The following CDCA7 variants were observed in gnomAD, a reference collection of about 807,000 sequenced individuals.
The protein encoded by CDCA7 is cell division cycle associated 7.
A neutral mutation model predicts 54.0 loss-of-function variants in CDCA7; 28 were observed. The observed-to-expected ratio is 0.52, with a 90% confidence interval of 0.38 to 0.71. The LOEUF (loss-of-function observed/expected upper bound fraction) is 0.71. CDCA7 is among the 30% of genes least tolerant of loss of function. The pLI is 0.00. For missense variants in CDCA7, 484 were observed against 586.0 expected (o/e 0.83, Z 1.80); for synonymous variants, 180 against 208.2 (o/e 0.86, Z 1.16).
chr2:173,366,447 G>A lies in CDCA7; in HGVS notation c.1185+15G>A, dbSNP rs1314971927. Reference sequence around the variant, plus strand: ...TGCTGGATCCGGTAGGTGCCTGCCAGGGGTTGGTCCTGTGGGCTTGAAGGT... The same window carrying A: ...TGCTGGATCCGGTAGGTGCCTGCCAAGGGTTGGTCCTGTGGGCTTGAAGGT... On this transcript the variant is annotated intron_variant, in intron 8 of 9. Coordinates refer to ENST00000306721, the MANE Select transcript of CDCA7 (RefSeq NM_031942.5). The surrounding 1 kb of genome is among the most constrained non-coding windows in gnomAD (Gnocchi z 4.5). The A allele has an allele frequency of 6.2e-7, 1 of 1,613,508 alleles. No homozygotes were observed. The highest frequency in any genetic ancestry group is 8.5e-7 in the Non-Finnish European group (1 of 1,179,612).
intron 3 of CDCA7, 115 bp from the exon 4 acceptor site, chr2:173,363,111 C>T: frequency 1.0e-6 from 1 of 977,068 alleles, no homozygotes; most frequent in Non-Finnish European, 1.6e-6. Context: ...CCAGAGGTAT[C>T]AATGTTCAGT....
chr2:173,363,416 A>C lies in CDCA7; in HGVS notation c.575A>C (p.Asn192Thr). Residue 192 changes from asparagine to threonine, a missense_variant, in exon 4 of 10, where the codon AAT (asparagine) becomes ACT (threonine). Physicochemically the swap from Asn to Thr is moderately conservative, Grantham distance 65 (BLOSUM62 0). Transcript: ENST00000306721. ...GATTCAGAAGATGAAAGTGGAATGAATTTTTTGGAGAAAAGGGCTTTAAAT... is the reference window on the plus strand; with the variant it reads ...GATTCAGAAGATGAAAGTGGAATGACTTTTTTGGAGAAAAGGGCTTTAAAT... ...NSDSEDESGM[N>T]FLEKRALNIK... 6.2e-7 allele frequency: 1 copy of C among 1,614,150 alleles called. No individual in the cohort carries two copies. The highest frequency in any genetic ancestry group is 8.5e-7 in the Non-Finnish European group (1 of 1,180,008).
At position 173,363,769 on chromosome 2, in the gene CDCA7, GAC is replaced by G. The variant is rs767893269; in HGVS notation, c.622-47_622-46del. On this transcript the variant is annotated intron_variant, in intron 4 of 9. Coordinates refer to ENST00000306721, the MANE Select transcript of CDCA7 (RefSeq NM_031942.5). Reference sequence around the variant, plus strand: ...TTCCAGAAGTTAGTTGCTCATTTTCGACAGTTATTCTAAGCCAATGATATCAG... The same window carrying G: ...TTCCAGAAGTTAGTTGCTCATTTTCGAGTTATTCTAAGCCAATGATATCAG... 4 of 1,566,196 alleles carry G rather than the reference GAC, an allele frequency of 2.6e-6. No homozygotes were observed. In the South Asian group the frequency reaches 4.5e-5, roughly 18 times the overall value.
rs1686719440 is a variant in CDCA7 at position 173,366,316 on chromosome 2, A to G, written c.1069A>G (p.Ile357Val). 1 of 1,613,780 alleles carries G rather than the reference A, an allele frequency of 6.2e-7. No individual in the cohort carries two copies. The highest frequency in any genetic ancestry group is 1.7e-4 in the Middle Eastern group (1 of 6,060). Residue 357 changes from isoleucine to valine, a missense_variant, in exon 8 of 10, where the codon ATT becomes GTT. Ile to Val is a conservative substitution (Grantham distance 29, BLOSUM62 3). Transcript: ENST00000306721. This position sits in a 1 kb window ranked among gnomAD's most constrained non-coding sequence, Gnocchi z 4.5. ...TTGTCATCAATGCCGTCAGAAGACTATTGATACCAAAACAAACTGCAGAAA... is the reference window on the plus strand; with the variant it reads ...TTGTCATCAATGCCGTCAGAAGACTGTTGATACCAAAACAAACTGCAGAAA... ...STCHQCRQKT[I>V]DTKTNCRNPD...
intron 3 of CDCA7, among the ~76,000 whole-genome samples, chr2:173,362,169 T>C (rs1686634184): frequency 6.6e-6 from 1 of 152,242 alleles, no homozygotes; most frequent in Non-Finnish European, 1.5e-5. Context: ...GATAAATTTT[T>C]AATGATGAAA....
chr2:173,360,560 C>T (rs112602325), intron 3 of CDCA7, among the ~76,000 whole-genome samples: 56 of 152,118 alleles, frequency 3.7e-4, no homozygotes, highest in African/African-American at 1.2e-3. Context: ...CTCACTGCAG[C>T]CTCCACCTCC....
At position 173,365,005 on chromosome 2, in the gene CDCA7, T is replaced by C. The variant is rs780146971; in HGVS notation, c.894+16T>C. ...CTACATGAATGTGAGTTCTCCGCAT[T>C]GGTACTTGCTCTTCTGATTCTCATC... is the stretch of plus-strand genomic sequence containing the variant. On this transcript the variant is annotated intron_variant, in intron 6 of 9. Coordinates refer to ENST00000306721, the MANE Select transcript of CDCA7 (RefSeq NM_031942.5). 42 of 1,551,430 alleles carry C rather than the reference T, an allele frequency of 2.7e-5. No homozygotes were observed. The South Asian group carries it at 4.1e-4, about 15-fold the overall frequency.
rs1686735813 is a variant in CDCA7, at chr2:173,367,007, G to A, written c.1186-143G>A. 1.1e-5 allele frequency: 13 copies of A among 1,185,752 alleles called. No individual in the cohort carries two copies. The South Asian group carries it at 2.1e-4, about 19-fold the overall frequency. 73.5% of individuals were successfully genotyped at this position (1,185,752 alleles called of 1,614,324 possible). On this transcript the variant is annotated intron_variant, in intron 8 of 9. Transcript: ENST00000306721. ...CTTCCACTCCTGGAAGGAAGCATTA[G>A]GCATTAGGAAACATTAGGCATGACT...
intron 3 of CDCA7, among the ~76,000 whole-genome samples, chr2:173,360,038 G>C (rs1246908896): frequency 6.6e-6 from 1 of 152,168 alleles, no homozygotes; most frequent in East Asian, 1.9e-4. Context: ...CTGTTGTGCT[G>C]TGCCTCGGTC....
In CDCA7 at chr2:173,367,867, T is replaced by A; in HGVS notation, c.*203T>A. 1.6e-6 allele frequency: 1 copy of A among 607,408 alleles called. No homozygotes were observed. Among genetic ancestry groups the A allele is most frequent in the East Asian group, 2.8e-5 (1 of 36,188 alleles). 37.6% of individuals were successfully genotyped at this position (607,408 alleles called of 1,614,324 possible). A position where few individuals can be genotyped will look rare whatever the true frequency, so the allele number is the denominator to read the frequency against. On this transcript the variant is annotated 3_prime_UTR_variant, in exon 10 of 10. Coordinates refer to ENST00000306721, the MANE Select transcript of CDCA7 (RefSeq NM_031942.5). ...AGTTACACTTTGCCCTCCTGCAGTT[T>A]CTTCTCTGCTCCCAACCCCCATCTC...
intron 2 of CDCA7, 72 bp from the exon 3 acceptor site, chr2:173,359,183 C>A (rs1686571474): frequency 2.4e-6 from 3 of 1,258,880 alleles, no homozygotes; most frequent in Non-Finnish European, 3.4e-6. Flanking sequence ...TTGCTCTCTG[C>A]ACGGTTTATG....
intron 7 of CDCA7, 114 bp downstream of exon 7, chr2:173,365,706 T>C (rs751513540): frequency 5.8e-6 from 7 of 1,202,130 alleles, no homozygotes; most frequent in Non-Finnish European, 7.8e-6. Context: ...TCTGTACCTA[T>C]ATGTTTTTTT....
intron 1 of CDCA7, among the ~76,000 whole-genome samples, chr2:173,357,497 C>A (rs1047446472): frequency 1.3e-5 from 2 of 152,212 alleles, no homozygotes; most frequent in Non-Finnish European, 1.5e-5. Flanking sequence ...GTAAGGACTT[C>A]TGTGGAAATC....
chr2:173,366,480 A>G lies in CDCA7; in HGVS notation c.1185+48A>G. ...TCCTGTGGGCTTGAAGGTCAGCCAC[A>G]AACTGTGATGAGGCCAGAAAAAGGC... is the stretch of plus-strand genomic sequence containing the variant. On this transcript the variant is annotated intron_variant, in intron 8 of 9. Coordinates refer to ENST00000306721, the MANE Select transcript of CDCA7 (RefSeq NM_031942.5). This position sits in a 1 kb window ranked among gnomAD's most constrained non-coding sequence, Gnocchi z 4.5. 1 of 1,604,144 alleles carries G rather than the reference A, an allele frequency of 6.2e-7. No individual in the cohort carries two copies. Among genetic ancestry groups the G allele is most frequent in the Non-Finnish European group, 8.5e-7 (1 of 1,173,572 alleles).
Position 173,364,954 on chromosome 2 carries a change from G to T in CDCA7, c.859G>T (p.Val287Leu), listed in dbSNP as rs1247479123. The change falls in exon 6 of 10, where the codon GTG becomes TTG. Residue 287 changes from valine (V) to leucine (L), a missense_variant. Around this residue, in one of 3 missense-constraint regions of CDCA7, gnomAD observed 398 missense variants for 447.4 expected, o/e 0.89. Transcript: ENST00000306721. ...EEEEEDKYML[V>L]RKRKTVDGYM... ...GGAGGAAGAGGATAAGTACATGTTG[G>T]TGAGAAAGAGGAAGACCGTGGATGG... 3.8e-6 allele frequency: 6 copies of T among 1,594,494 alleles called. No homozygotes were observed. Among genetic ancestry groups the T allele is most frequent in the Non-Finnish European group, 5.1e-6 (6 of 1,173,552 alleles).
Position 173,364,994 on chromosome 2 carries a change from G to A in CDCA7, c.894+5G>A. On this transcript the variant is annotated splice_donor_5th_base_variant and intron_variant, in intron 6 of 9. Coordinates refer to ENST00000306721, the MANE Select transcript of CDCA7 (RefSeq NM_031942.5). The stretch of plus-strand genomic sequence containing the variant: ...ACCGTGGATGGCTACATGAATGTGA[G>A]TTCTCCGCATTGGTACTTGCTCTTC... 1 of 1,569,544 alleles carries A rather than the reference G, an allele frequency of 6.4e-7. No homozygotes were observed. The highest frequency in any genetic ancestry group is 8.6e-7 in the Non-Finnish European group (1 of 1,164,128).
intron 3 of CDCA7, 132 bp downstream of exon 3, chr2:173,359,623 T>G: frequency 1.3e-6 from 1 of 747,170 alleles, no homozygotes; most frequent in Non-Finnish European, 2.2e-6. Context: ...TAAAAATTTT[T>G]AGTGTTTTCT....
intron 1 of CDCA7, among the ~76,000 whole-genome samples, chr2:173,357,905 T>C (rs371740184): frequency 1.3e-5 from 2 of 151,076 alleles, no homozygotes; most frequent in African/African-American, 4.9e-5. Flanking sequence ...CTTCTTAGAA[T>C]TTGACCTGGT....
At chr2:173,357,966 C>A (rs12987126) in intron 1 of CDCA7, among the ~76,000 whole-genome samples, 9 of 151,722 alleles carry the variant, frequency 5.9e-5, no homozygotes, top group African/African-American at 1.9e-4. Context: ...TTTGGGAGGC[C>A]GAGGCAGGCA....
Sources: allele counts gnomAD v4.1 joint callset (sites outside exome capture counted in the v4.1 genomes callset), GRCh38; gene constraint gnomAD v4.1.1; regional missense constraint gnomAD v4.1.1; non-coding constraint Gnocchi (gnomAD v3.1); transcripts MANE v1.5; gene names NCBI Gene and HGNC (gene_info 2026-07-23, HGNC 2026-07-21).